Variants in ZC3H12B observed in about 807,000 individuals in gnomAD.
ZC3H12B encodes the protein probable ribonuclease ZC3H12B.
In ZC3H12B, 7 loss-of-function variants were observed where a neutral mutation model predicts 43.9. The ratio of observed to expected loss-of-function variants is 0.16; its 90% CI spans 0.09 to 0.30. ZC3H12B has a LOEUF of 0.30. Among genes scored for constraint, ZC3H12B ranks in the 10% least tolerant of loss-of-function variants. The probability of loss-of-function intolerance (pLI) is 1.00; values close to 1 mark genes in which losing one functional copy is unlikely to be tolerated. For synonymous variants in ZC3H12B, 222 were observed against 241.7 expected (o/e 0.92, Z 0.76); for missense variants, 475 against 670.2 (o/e 0.71, Z 3.22).
At chrX:65,495,615 A>C (rs1299167221) in intron 1 of ZC3H12B, among the ~76,000 whole-genome samples, 1 of 112,246 alleles carries the variant, frequency 8.9e-6, no homozygotes, top group Non-Finnish European at 1.9e-5. Flanking sequence ...CTGTTTAATT[A>C]ACTATAATTT....
chrX:65,078,948 A>G, the ZC3H12B span, among the ~76,000 whole-genome samples: 1 of 108,075 alleles, frequency 9.3e-6, no homozygotes, highest in African/African-American at 3.7e-5. Flanking sequence ...ATTTTTTGCT[A>G]TCAAATATTA....
chrX:65,436,456 T>C (rs1176196913), intron 3 of ZC3H12B, among the ~76,000 whole-genome samples: 1 of 112,584 alleles, frequency 8.9e-6, no homozygotes, highest in African/African-American at 3.2e-5. Flanking sequence ...TCCACACATA[T>C]TGGGTGAGGT....
At chrX:65,423,351 T>C (rs750243853) in intron 3 of ZC3H12B, among the ~76,000 whole-genome samples, 93 of 112,467 alleles carry the variant, frequency 8.3e-4, no homozygotes, top group Non-Finnish European at 1.5e-3. Flanking sequence ...AGTGGAATGA[T>C]TTATAATCCT....
the ZC3H12B span, among the ~76,000 whole-genome samples, chrX:65,054,140 T>G: frequency 8.9e-6 from 1 of 111,972 alleles, no homozygotes; most frequent in African/African-American, 3.2e-5. Flanking sequence ...ATTTTGGCTT[T>G]TGTTGCCATT....
At chrX:65,275,346 C>T in the ZC3H12B span, among the ~76,000 whole-genome samples, 3 of 112,902 alleles carry the variant, frequency 2.7e-5, no homozygotes, top group Admixed American at 1.9e-4. Context: ...TGAGAAACAG[C>T]CCTGCAGGCT....
intron 2 of ZC3H12B, among the ~76,000 whole-genome samples, chrX:65,373,715 G>A (rs1209258982): frequency 2.3e-5 from 2 of 88,600 alleles, no homozygotes; most frequent in Non-Finnish European, 4.4e-5. Context: ...CACAGGAAGG[G>A]GAACATCACA....
chrX:65,131,009 G>T, the ZC3H12B span, among the ~76,000 whole-genome samples: 4 of 112,160 alleles, frequency 3.6e-5, no homozygotes, highest in Middle Eastern at 4.6e-3. Context: ...AATGATGGTG[G>T]ACCCTTGCAT....
chrX:65,478,794 C>A (rs907751941), intron 3 of ZC3H12B, among the ~76,000 whole-genome samples: 3 of 112,145 alleles, frequency 2.7e-5, no homozygotes, highest in Admixed American at 9.5e-5. Flanking sequence ...AGGGACTTTT[C>A]AGGTCTTCCA....
the ZC3H12B span, among the ~76,000 whole-genome samples, chrX:65,156,145 G>T: frequency 1.8e-5 from 2 of 110,646 alleles, no homozygotes; most frequent in Non-Finnish European, 3.8e-5. Context: ...GACCTTGTAG[G>T]CATGTACCTT....
At chrX:65,374,994 G>A (rs2066325647) in intron 2 of ZC3H12B, among the ~76,000 whole-genome samples, 3 of 111,350 alleles carry the variant, frequency 2.7e-5, no homozygotes, top group Admixed American at 9.5e-5. Context: ...GATTTGAGAG[G>A]AGACACAGCC....
the ZC3H12B span, among the ~76,000 whole-genome samples, chrX:65,239,296 T>C: frequency 1.8e-5 from 2 of 111,518 alleles, no homozygotes; most frequent in African/African-American, 6.5e-5. Flanking sequence ...TTAGCTCTTG[T>C]TTAATTGACC....
At chrX:65,383,417 T>C (rs2066473022) in intron 2 of ZC3H12B, among the ~76,000 whole-genome samples, 1 of 110,507 alleles carries the variant, frequency 9.0e-6, no homozygotes, top group Admixed American at 9.6e-5. Flanking sequence ...AAGCTGAAAC[T>C]GGATCCCTTC....
chrX:65,309,321 C>G, the ZC3H12B span, among the ~76,000 whole-genome samples: 1 of 111,745 alleles, frequency 8.9e-6, no homozygotes, highest in Non-Finnish European at 1.9e-5. Context: ...GATATCACCA[C>G]TGATCCCACA....
the ZC3H12B span, among the ~76,000 whole-genome samples, chrX:65,153,781 G>A: frequency 2.7e-5 from 3 of 111,388 alleles, no homozygotes; most frequent in African/African-American, 9.8e-5. Flanking sequence ...ACATGCACAT[G>A]TATGTTTATT....
the ZC3H12B span, among the ~76,000 whole-genome samples, chrX:65,262,664 A>T: frequency 9.0e-6 from 1 of 111,097 alleles, no homozygotes; most frequent in South Asian, 3.8e-4. Context: ...GAATATAAAT[A>T]GTAGCTATGT....
At chrX:65,171,486 G>A in the ZC3H12B span, among the ~76,000 whole-genome samples, 43 of 111,277 alleles carry the variant, frequency 3.9e-4, no homozygotes, top group East Asian at 0.011. Context: ...CTACTCGGGG[G>A]TCCGAGACCC....
chrX:65,441,853 C>T (rs192065444), intron 3 of ZC3H12B, among the ~76,000 whole-genome samples: 3 of 110,757 alleles, frequency 2.7e-5, no homozygotes, highest in Non-Finnish European at 5.7e-5. Context: ...GAGGGAATGG[C>T]CTGAGCCAGA....
chrX:65,151,353 C>A, the ZC3H12B span, among the ~76,000 whole-genome samples: 1 of 112,015 alleles, frequency 8.9e-6, no homozygotes, highest in Non-Finnish European at 1.9e-5. Flanking sequence ...AATGTGGAGA[C>A]TTCCTTGTTA....
the ZC3H12B span, among the ~76,000 whole-genome samples, chrX:65,086,851 C>T: frequency 8.9e-6 from 1 of 111,937 alleles, no homozygotes; most frequent in South Asian, 3.7e-4. Context: ...TCTTTGACAA[C>T]TCATGCCAGG....
Sources: gnomAD v4.1 joint callset for allele counts (sites outside exome capture counted in the v4.1 genomes callset) on GRCh38, gnomAD v4.1.1 for gene constraint, MANE v1.5 for transcripts, NCBI Gene and HGNC (gene_info 2026-07-23, HGNC 2026-07-21) for gene names.